Variants in NKAIN2 observed in about 807,000 individuals in gnomAD.
The protein encoded by NKAIN2 is sodium/potassium transporting ATPase interacting 2, also known as sodium/potassium-transporting ATPase subunit beta-1-interacting protein 2.
A neutral mutation model predicts 32.6 loss-of-function variants in NKAIN2; 14 were observed. The ratio of observed to expected loss-of-function variants is 0.43; its 90% CI spans 0.28 to 0.67. NKAIN2 has a LOEUF of 0.67. NKAIN2 is among the 30% of genes least tolerant of loss of function. NKAIN2 has a pLI of 0.17. For missense variants in NKAIN2, 198 were observed against 258.3 expected, an observed-to-expected ratio of 0.77 and a Z score of 1.60; for synonymous variants, 80 against 87.2, an observed-to-expected ratio of 0.92 and a Z score of 0.46.
chr6:124,392,859 G>A (rs558508743), intron 3 of NKAIN2, among the ~76,000 whole-genome samples: 2 of 152,122 alleles, frequency 1.3e-5, no homozygotes, highest in East Asian at 3.9e-4. Context: ...ACCTACTTGG[G>A]ACAATATGCT....
intron 1 of NKAIN2, among the ~76,000 whole-genome samples, chr6:124,185,730 A>G (rs745942396): frequency 6.6e-6 from 1 of 152,136 alleles, no homozygotes; most frequent in African/African-American, 2.4e-5. Context: ...GCCCAGTTTC[A>G]CAGCTTCTTC....
chr6:124,801,930 G>A (rs1301879521), intron 5 of NKAIN2, among the ~76,000 whole-genome samples: 1 of 152,142 alleles, frequency 6.6e-6, no homozygotes, highest in African/African-American at 2.4e-5. Flanking sequence ...AGTCACACAG[G>A]AATGATCTTA....
At chr6:124,415,512 C>T (rs1387122189) in intron 3 of NKAIN2, among the ~76,000 whole-genome samples, 4 of 152,234 alleles carry the variant, frequency 2.6e-5, no homozygotes, top group Admixed American at 2.6e-4. Context: ...CTCTGTGAAT[C>T]CTGTCCTTCT....
rs1043676915 is a variant in NKAIN2, at chr6:124,618,042, G to A, written c.274-40144G>A. 3.9e-5 allele frequency among the ~76,000 whole-genome samples: 6 copies of A among 152,086 alleles called. No homozygotes were observed. The East Asian group carries it at 1.2e-3, about 29-fold the overall frequency. On this transcript the variant is annotated intron_variant, in intron 3 of 6. Coordinates refer to ENST00000368417, the MANE Select transcript of NKAIN2 (RefSeq NM_001040214.3). The stretch of plus-strand genomic sequence containing the variant: ...AGCGATATTTTATTCAAAAATAAAC[G>A]CTCTGTTTAATACAATGCAATTTCT...
In NKAIN2 at chr6:124,823,447, AAC is replaced by A; in HGVS notation, c.*220_*221del. 1.9e-6 allele frequency: 1 copy of A among 519,032 alleles called. No homozygotes were observed. The highest frequency in any genetic ancestry group is 3.4e-6 in the Non-Finnish European group (1 of 291,164). The allele number at this position is 519,032 out of a possible 1,614,324, so 32.2% of individuals were successfully genotyped here. A position where few individuals can be genotyped will look rare whatever the true frequency, so the allele number is the denominator to read the frequency against. On this transcript the variant is annotated 3_prime_UTR_variant, in exon 7 of 7. Coordinates refer to ENST00000368417, the MANE Select transcript of NKAIN2 (RefSeq NM_001040214.3). ...CACTTGACCTCCTCTTTCTAACTGA[AAC>A]AGACAAATATGCAGGACACGCCCAT...
Position 123,899,956 on chromosome 6 carries a change from AGCATCTCTCTCTGACCATGAT to A in NKAIN2, c.54+95705_54+95725del, listed in dbSNP as rs1313817854. ...GAGCCGAGCACGGGAGTGTCAGCCAAGCATCTCTCTCTGACCATGATGCTCGACCTGCTTAGCGAGGCTGGG... is the reference window on the plus strand; with the variant it reads ...GAGCCGAGCACGGGAGTGTCAGCCAAGCTCGACCTGCTTAGCGAGGCTGGG... On this transcript the variant is annotated intron_variant, in intron 1 of 6. Transcript: ENST00000368417. 2.6e-5 allele frequency among the ~76,000 whole-genome samples: 4 copies of A among 152,218 alleles called. No individual in the cohort carries two copies. The East Asian group carries it at 7.8e-4, about 30-fold the overall frequency.
intron 3 of NKAIN2, among the ~76,000 whole-genome samples, chr6:124,610,114 T>TC (rs1782638174): frequency 6.6e-6 from 1 of 152,188 alleles, no homozygotes; most frequent in African/African-American, 2.4e-5. Context: ...AAGCACCTAC[T>TC]CTGTAAAACA....
At chr6:124,209,882 T>C (rs748761527) in intron 1 of NKAIN2, among the ~76,000 whole-genome samples, 4 of 151,992 alleles carry the variant, frequency 2.6e-5, no homozygotes, top group Non-Finnish European at 5.9e-5. Context: ...TGCAAATATT[T>C]TCTCCCCTTC....
intron 1 of NKAIN2, among the ~76,000 whole-genome samples, chr6:123,860,940 C>T (rs1038076066): frequency 3.3e-5 from 5 of 152,204 alleles, no homozygotes; most frequent in Admixed American, 2.6e-4. Context: ...CAGTTGTGTG[C>T]CCAGGTATCT....
At chr6:123,935,304 G>A (rs913620754) in intron 1 of NKAIN2, among the ~76,000 whole-genome samples, 6 of 151,218 alleles carry the variant, frequency 4.0e-5, no homozygotes, top group Non-Finnish European at 8.9e-5. Flanking sequence ...TTATGAGGTG[G>A]TATCCAAGTG....
At chr6:124,463,356 G>A (rs1029763355) in intron 3 of NKAIN2, among the ~76,000 whole-genome samples, 1 of 152,020 alleles carries the variant, frequency 6.6e-6, no homozygotes, top group Non-Finnish European at 1.5e-5. Context: ...ACTGTAGCAA[G>A]TGAAGTCCTG....
chr6:124,733,169 A>C (rs555166810), intron 4 of NKAIN2, among the ~76,000 whole-genome samples: 4 of 152,062 alleles, frequency 2.6e-5, no homozygotes, highest in African/African-American at 9.6e-5. Flanking sequence ...GAGGAGAGGA[A>C]GGTTGAGTAG....
intron 3 of NKAIN2, among the ~76,000 whole-genome samples, chr6:124,450,087 C>T (rs1889978): frequency 0.42 from 63,527 of 151,948 alleles, 15,076 homozygotes; most frequent in South Asian, 0.59. Flanking sequence ...AGAGAAAATA[C>T]GCATCTTGAA....
intron 1 of NKAIN2, among the ~76,000 whole-genome samples, chr6:124,102,153 G>A (rs1339309608): frequency 6.6e-6 from 1 of 152,214 alleles, no homozygotes; most frequent in Non-Finnish European, 1.5e-5. Context: ...TTAGTACATA[G>A]GAAATGGAGC....
chr6:124,356,562 T>A (rs75433480), intron 3 of NKAIN2, among the ~76,000 whole-genome samples: 39 of 152,264 alleles, frequency 2.6e-4, no homozygotes, highest in African/African-American at 8.7e-4. Flanking sequence ...CCCTAGAGGA[T>A]GCCATTTGTG....
At position 124,357,234 on chromosome 6, in the gene NKAIN2, A is replaced by T. The variant is rs142394829; in HGVS notation, c.273+1887A>T. 3.2e-3 allele frequency among the ~76,000 whole-genome samples: 480 copies of T among 152,218 alleles called. 3 individuals are homozygous for T. Among genetic ancestry groups the T allele is most frequent in the Non-Finnish European group, 4.8e-3 (329 of 68,022 alleles). On this transcript the variant is annotated intron_variant, in intron 3 of 6. Transcript: ENST00000368417. ...TTAATAATTTCCTTTTTAACAAATA[A>T]CCTAAAAAAAAACCATAAAGGGCAA...
Position 124,547,856 on chromosome 6 carries a change from C to T in NKAIN2, c.274-110330C>T, listed in dbSNP as rs192529427. 1.8e-3 allele frequency among the ~76,000 whole-genome samples: 269 copies of T among 152,196 alleles called. 1 individual carries two copies. The highest frequency in any genetic ancestry group is 6.8e-3 in the Middle Eastern group (2 of 294). On this transcript the variant is annotated intron_variant, in intron 3 of 6. Transcript: ENST00000368417. ...CACCAGTCCAATTCTAACACTATTG[C>T]CTAAACTAATTGCTTCTTATTCCTC...
chr6:124,227,963 C>A (rs1186764456), intron 1 of NKAIN2, among the ~76,000 whole-genome samples: 2 of 152,160 alleles, frequency 1.3e-5, no homozygotes, highest in Non-Finnish European at 2.9e-5. Context: ...AGGGTGCTAG[C>A]ATGGTTGGGT....
At chr6:124,817,270 G>A (rs977722281) in intron 5 of NKAIN2, among the ~76,000 whole-genome samples, 8 of 151,618 alleles carry the variant, frequency 5.3e-5, no homozygotes, top group South Asian at 2.1e-4. Context: ...ACCAGCTATC[G>A]TTAGTATCAG....
Sources: gnomAD v4.1 joint callset for allele counts (sites outside exome capture counted in the v4.1 genomes callset) on GRCh38, gnomAD v4.1.1 for gene constraint, MANE v1.5 for transcripts, NCBI Gene and HGNC (gene_info 2026-07-23, HGNC 2026-07-21) for gene names.